Variants in AGBL1 observed in about 807,000 individuals in gnomAD.
AGBL1 encodes cytosolic carboxypeptidase 4.
AGBL1 carries 130 observed loss-of-function variants against 118.9 expected under a neutral mutation model. The ratio of observed to expected loss-of-function variants is 1.09; its 90% confidence interval spans 0.95 to 1.26. The LOEUF (loss-of-function observed/expected upper bound fraction) is 1.26, where lower values mean the gene tolerates loss of function less well. AGBL1 is among the 50% of genes most tolerant of loss of function. The probability of loss-of-function intolerance (pLI) is 0.00; values close to 1 mark genes in which losing one functional copy is unlikely to be tolerated. For synonymous variants in AGBL1, 555 were observed against 478.9 expected, an observed-to-expected ratio of 1.16 and a Z score of -2.08; for missense variants, 1,584 against 1,298.1, an observed-to-expected ratio of 1.22 and a Z score of -3.38.
intron 17 of AGBL1, among the ~76,000 whole-genome samples, chr15:86,302,406 G>C (rs1161895855): frequency 2.0e-5 from 3 of 152,022 alleles, no homozygotes; most frequent in African/African-American, 7.2e-5. Context: ...TCTATATGCA[G>C]AGAAATGGGG....
chr15:86,126,630 T>C (rs142180506), intron 1 of AGBL1, among the ~76,000 whole-genome samples: 3 of 152,348 alleles, frequency 2.0e-5, no homozygotes, highest in African/African-American at 4.8e-5. Flanking sequence ...CTAGTGATGA[T>C]AAAATTTTGA....
At chr15:86,165,841 C>G (rs559657544) in intron 5 of AGBL1, among the ~76,000 whole-genome samples, 4 of 152,260 alleles carry the variant, frequency 2.6e-5, no homozygotes, top group Admixed American at 2.0e-4. Flanking sequence ...GGGGCGTGCA[C>G]CATGAGCTCA....
At chr15:86,847,962 G>A (rs2079342363) in intron 22 of AGBL1, among the ~76,000 whole-genome samples, 1 of 152,174 alleles carries the variant, frequency 6.6e-6, no homozygotes, top group African/African-American at 2.4e-5. Context: ...CTTGCAGAGA[G>A]ACTGGTCATT....
At chr15:86,758,323 A>T (rs571017539) in intron 22 of AGBL1, among the ~76,000 whole-genome samples, 1 of 152,174 alleles carries the variant, frequency 6.6e-6, no homozygotes, top group East Asian at 1.9e-4. Flanking sequence ...TCTGGTTCAT[A>T]ATCTACTCAT....
chr15:86,513,719 T>A (rs1197934687), intron 18 of AGBL1, among the ~76,000 whole-genome samples: 6 of 152,104 alleles, frequency 3.9e-5, no homozygotes, highest in African/African-American at 1.4e-4. Flanking sequence ...GGAATTCTAC[T>A]AAAATTAAGA....
At chr15:86,375,921 G>A (rs930723997) in intron 17 of AGBL1, among the ~76,000 whole-genome samples, 12 of 152,202 alleles carry the variant, frequency 7.9e-5, no homozygotes, top group African/African-American at 2.9e-4. Context: ...AAGGAAGGGT[G>A]GAGTCCTATT....
chr15:86,928,031 T>G (rs1174397383), intron 23 of AGBL1, among the ~76,000 whole-genome samples: 1 of 152,134 alleles, frequency 6.6e-6, no homozygotes, highest in Non-Finnish European at 1.5e-5. Context: ...GTAAGGAATG[T>G]CTGAGGAAAT....
intron 21 of AGBL1, among the ~76,000 whole-genome samples, chr15:86,665,635 T>A (rs2085631344): frequency 6.6e-6 from 1 of 152,164 alleles, no homozygotes; most frequent in Admixed American, 6.5e-5. Flanking sequence ...AATATTTTCC[T>A]TTATGATTTC....
intron 24 of AGBL1, among the ~76,000 whole-genome samples, chr15:87,002,037 G>A (rs7176979): frequency 0.75 from 113,849 of 151,768 alleles, 43,328 homozygotes; most frequent in South Asian, 0.84. Flanking sequence ...GGTGTTTTAG[G>A]CATGAAGTCC....
intron 23 of AGBL1, chr15:86,932,784 A>C (rs561717420): frequency 6.6e-6 from 1 of 152,238 alleles, no homozygotes; most frequent in South Asian, 2.1e-4. Context: ...CTTTTATGGA[A>C]GTTTTGTCCC....
rs370119184 is a variant in AGBL1 at position 86,546,050 on chromosome 15, T to C, written c.2734T>C (p.Tyr912His). The change falls in exon 20 of 23, where the codon TAT becomes CAT. Residue 912 changes from tyrosine to histidine, a missense_variant. Coordinates refer to ENST00000614907, the MANE Select transcript of AGBL1 (RefSeq NM_001386094.1). ...CTCCCAAAAGAAGAATGTGTTCCTT[T>C]ATGGCTGTAGCATCAAGGAAACCTT... Reference protein sequence around the residue: ...GHSQKKNVFLYGCSIKETLWQ... With the variant: ...GHSQKKNVFLHGCSIKETLWQ... 2 of 1,613,318 alleles carry C rather than the reference T, an allele frequency of 1.2e-6. No homozygotes were observed. The highest frequency in any genetic ancestry group is 8.5e-7 in the Non-Finnish European group (1 of 1,179,470).
chr15:86,420,520 A>C (rs756989046), intron 18 of AGBL1, among the ~76,000 whole-genome samples: 8 of 152,200 alleles, frequency 5.3e-5, no homozygotes, highest in Non-Finnish European at 8.8e-5. Flanking sequence ...AAAATGTCCA[A>C]AAATGCTGAA....
At chr15:86,769,641 C>T (rs1247333757) in intron 22 of AGBL1, among the ~76,000 whole-genome samples, 1 of 152,022 alleles carries the variant, frequency 6.6e-6, no homozygotes, top group Non-Finnish European at 1.5e-5. Context: ...TCCAAGGACA[C>T]TTGTTCATTC....
At chr15:86,695,907 A>G (rs1311769021) in intron 22 of AGBL1, among the ~76,000 whole-genome samples, 1 of 151,908 alleles carries the variant, frequency 6.6e-6, no homozygotes, top group Non-Finnish European at 1.5e-5. Context: ...ATGGTTATGA[A>G]GGTTCCTTTT....
intron 5 of AGBL1, among the ~76,000 whole-genome samples, chr15:86,169,386 C>T (rs898007349): frequency 3.3e-5 from 5 of 152,162 alleles, no homozygotes; most frequent in African/African-American, 1.2e-4. Flanking sequence ...GGAAGTAGTA[C>T]TTGGTTCTGA....
At chr15:86,342,777 G>T (rs531523491) in intron 17 of AGBL1, among the ~76,000 whole-genome samples, 74 of 152,250 alleles carry the variant, frequency 4.9e-4, no homozygotes, top group East Asian at 2.9e-3. Flanking sequence ...TAGAATACCT[G>T]ATGTAAGTAG....
chr15:86,226,404 C>G (rs1056704806), intron 6 of AGBL1, among the ~76,000 whole-genome samples: 5 of 152,146 alleles, frequency 3.3e-5, no homozygotes, highest in African/African-American at 1.2e-4. Flanking sequence ...ATCCCCCCAG[C>G]CCAGCCTTGG....
At chr15:86,887,425 G>A (rs556768493) in intron 22 of AGBL1, among the ~76,000 whole-genome samples, 22 of 152,280 alleles carry the variant, frequency 1.4e-4, no homozygotes, top group African/African-American at 5.3e-4. Context: ...ACTTCACTGA[G>A]CTCAACAGGG....
At chr15:86,600,391 T>C (rs1187623154) in intron 21 of AGBL1, among the ~76,000 whole-genome samples, 1 of 152,182 alleles carries the variant, frequency 6.6e-6, no homozygotes, top group Non-Finnish European at 1.5e-5. Context: ...TACATGTTCA[T>C]GGTACCAAAA....
Sources: allele counts gnomAD v4.1 joint callset (sites outside exome capture counted in the v4.1 genomes callset), GRCh38; gene constraint gnomAD v4.1.1; transcripts MANE v1.5; gene names NCBI Gene and HGNC (gene_info 2026-07-23, HGNC 2026-07-21).